PECR: variants seen among roughly 807,000 people sequenced by gnomAD.
PECR encodes the protein peroxisomal trans-2-enoyl-CoA reductase.
Under a neutral mutation model 35.3 loss-of-function variants are expected in PECR, and 30 were observed. The observed-to-expected ratio is 0.85, with a 90% CI of 0.64 to 1.15. The LOEUF is 1.15. Among genes scored for constraint, PECR ranks in the 50% most tolerant of loss-of-function variants. PECR has a pLI of 0.00. For synonymous variants in PECR, 148 were observed against 138.9 expected (o/e 1.07, Z -0.46); for missense variants, 392 against 370.8 (o/e 1.06, Z -0.47).
intron 4 of PECR, among the ~76,000 whole-genome samples, chr2:216,052,204 G>A (rs950850370): frequency 6.6e-6 from 1 of 151,988 alleles, no homozygotes; most frequent in African/African-American, 2.4e-5. Context: ...ATGAAGTATG[G>A]GGTCTTGTGT....
chr2:216,031,699 A>AG (rs1559204173), intron 7 of PECR, among the ~76,000 whole-genome samples: 4 of 127,494 alleles, frequency 3.1e-5, no homozygotes, highest in African/African-American at 1.1e-4. Context: ...AAGAGAAAGA[A>AG]AGAAAGAAAG....
chr2:216,048,384 T>TAAAA (rs71047969), intron 6 of PECR, among the ~76,000 whole-genome samples: 1 of 132,892 alleles, frequency 7.5e-6, no homozygotes, highest in Non-Finnish European at 1.6e-5. Flanking sequence ...CTTGTTTTCT[T>TAAAA]AAAAAAAAAA....
chr2:216,030,777 G>A (rs1694669100), intron 7 of PECR, among the ~76,000 whole-genome samples: 1 of 148,828 alleles, frequency 6.7e-6, no homozygotes, highest in African/African-American at 2.5e-5. Flanking sequence ...TGGCCAGGCT[G>A]GTCTTGAACT....
rs1559211169 is a variant in PECR, at chr2:216,051,480, C to A, written c.572G>T (p.Cys191Phe). The part of the protein sequence containing the change: ...LTKSLALEWA[C>F]SGIRINCVAP... Reference sequence around the variant, plus strand: ...AACACAATTGATCCGTATTCCACTGCAGGCCCATTCCAAAGCTAAAGATTT... The same window carrying A: ...AACACAATTGATCCGTATTCCACTGAAGGCCCATTCCAAAGCTAAAGATTT... The change falls in exon 5 of 8, where the codon TGC (cysteine) becomes TTC (phenylalanine). Residue 191 changes from cysteine to phenylalanine, a missense_variant. Transcript: ENST00000265322. 2.5e-6 allele frequency: 4 copies of A among 1,611,510 alleles called. No individual in the cohort carries two copies. The East Asian group carries it at 8.9e-5, about 36-fold the overall frequency.
intron 3 of PECR, among the ~76,000 whole-genome samples, chr2:216,060,953 C>G (rs1175707820): frequency 6.6e-6 from 1 of 151,522 alleles, no homozygotes; most frequent in Non-Finnish European, 1.5e-5. Context: ...TTTTTAAAAT[C>G]ATCATTTTGC....
chr2:216,047,438 T>C (rs568254682), intron 6 of PECR, among the ~76,000 whole-genome samples: 4 of 152,316 alleles, frequency 2.6e-5, no homozygotes, highest in South Asian at 2.1e-4. Context: ...TTATTTTGTA[T>C]ATAATACAGG....
intron 1 of PECR, among the ~76,000 whole-genome samples, chr2:216,072,106 T>C (rs1183504204): frequency 6.6e-6 from 1 of 152,202 alleles, no homozygotes; most frequent in Non-Finnish European, 1.5e-5. Flanking sequence ...CAGTGTTAAA[T>C]TCTATGTGAG....
At chr2:216,032,648 A>C (rs1694727055) in intron 7 of PECR, 1 of 152,216 alleles carries the variant, frequency 6.6e-6, no homozygotes, top group East Asian at 1.9e-4. Flanking sequence ...GAACCACCAT[A>C]AACTACAGGA....
At chr2:216,048,384 TAA>T (rs71047969) in intron 6 of PECR, among the ~76,000 whole-genome samples, 4,306 of 132,880 alleles carry the variant, frequency 0.032, 161 homozygotes, top group African/African-American at 0.097. Context: ...CTTGTTTTCT[TAA>T]AAAAAAAAAA....
At chr2:216,035,486 TTC>T (rs1413725116), downstream of PECR, among the ~76,000 whole-genome samples, 9 of 129,390 alleles carry the variant, frequency 7.0e-5, no homozygotes, top group East Asian at 2.1e-4. Context: ...TGGAGGGCTC[TTC>T]TTTTTTTTTT....
At chr2:216,075,416 C>T (rs2105969519) in intron 1 of PECR, among the ~76,000 whole-genome samples, 1 of 152,156 alleles carries the variant, frequency 6.6e-6, no homozygotes, top group Non-Finnish European at 1.5e-5. Context: ...TGTAGAAAAT[C>T]ACCAGGAAGG....
At chr2:216,032,880 G>A (rs1694731594) in intron 7 of PECR, 1 of 147,148 alleles carries the variant, frequency 6.8e-6, no homozygotes, top group South Asian at 2.1e-4. Context: ...TAAACAAGGA[G>A]TGCAGAAGAA....
chr2:216,072,372 T>C (rs1320901431), intron 1 of PECR, among the ~76,000 whole-genome samples: 2 of 152,242 alleles, frequency 1.3e-5, no homozygotes, highest in African/African-American at 4.8e-5. Flanking sequence ...CTACTGCATA[T>C]GAAAATAAGG....
intron 3 of PECR, among the ~76,000 whole-genome samples, chr2:216,060,359 C>A (rs1695312194): frequency 6.6e-6 from 1 of 152,074 alleles, no homozygotes; most frequent in Non-Finnish European, 1.5e-5. Context: ...ACCCAAATCT[C>A]GCCTTCTAAA....
chr2:216,056,463 G>T (rs1314703168), intron 4 of PECR, among the ~76,000 whole-genome samples: 1 of 152,134 alleles, frequency 6.6e-6, no homozygotes, highest in East Asian at 1.9e-4. Context: ...GCTCATGCCT[G>T]TAATCCCAGC....
At chr2:216,062,320 A>G (rs1695373072) in intron 3 of PECR, among the ~76,000 whole-genome samples, 1 of 152,236 alleles carries the variant, frequency 6.6e-6, no homozygotes, top group Admixed American at 6.5e-5. Context: ...TGCTGAGATT[A>G]CAGGCATGAG....
At chr2:216,076,804 A>C (rs1473420766) in intron 1 of PECR, among the ~76,000 whole-genome samples, 2 of 152,152 alleles carry the variant, frequency 1.3e-5, no homozygotes, top group African/African-American at 4.8e-5. Flanking sequence ...CATCTCAATA[A>C]ATAAATAAAT....
At chr2:216,048,013 T>G (rs568139845) in intron 6 of PECR, among the ~76,000 whole-genome samples, 30 of 151,976 alleles carry the variant, frequency 2.0e-4, no homozygotes, top group Non-Finnish European at 3.2e-4. Context: ...AGAGGTAAGT[T>G]TACTACTAGT....
intron 3 of PECR, 99 bp from the exon 4 acceptor site, chr2:216,059,075 G>A (rs544780138): frequency 1.4e-5 from 11 of 763,162 alleles, no homozygotes; most frequent in South Asian, 2.9e-5. Flanking sequence ...TGTTTTACAC[G>A]TCCATTTACA....
Sources: gnomAD v4.1 joint callset for allele counts (sites outside exome capture counted in the v4.1 genomes callset) on GRCh38, gnomAD v4.1.1 for gene constraint, MANE v1.5 for transcripts, NCBI Gene and HGNC (gene_info 2026-07-23, HGNC 2026-07-21) for gene names.